Variants in UIMC1 observed in about 807,000 individuals in gnomAD.
The protein encoded by UIMC1 is ubiquitin interaction motif containing 1, also known as BRCA1-A complex subunit RAP80.
In UIMC1, 42 loss-of-function variants were observed where a neutral mutation model predicts 84.9. That is an observed-to-expected ratio of 0.49 (90% CI 0.39 to 0.64). The LOEUF (loss-of-function observed/expected upper bound fraction) is 0.64, where lower values mean the gene tolerates loss of function less well. UIMC1 is among the 30% of genes least tolerant of loss of function. The probability of loss-of-function intolerance (pLI) is 0.00; values close to 1 mark genes in which losing one functional copy is unlikely to be tolerated. For missense variants in UIMC1, 825 were observed against 847.6 expected (o/e 0.97, Z 0.33); for synonymous variants, 281 against 293.0 (o/e 0.96, Z 0.42).
intron 1 of UIMC1, among the ~76,000 whole-genome samples, chr5:176,991,547 C>T (rs994117324): frequency 6.7e-6 from 1 of 150,002 alleles, no homozygotes; most frequent in African/African-American, 2.5e-5. Flanking sequence ...GGAGAAATCC[C>T]ATCTCTACTA....
chr5:177,003,315 T>A (rs572016680), intron 1 of UIMC1, among the ~76,000 whole-genome samples: 1 of 152,190 alleles, frequency 6.6e-6, no homozygotes, highest in South Asian at 2.1e-4. Context: ...GAGTAGTAAT[T>A]GTAATATAAA....
At chr5:176,937,093 C>A (rs1472480338) in intron 10 of UIMC1, among the ~76,000 whole-genome samples, 2 of 152,160 alleles carry the variant, frequency 1.3e-5, no homozygotes, top group African/African-American at 4.8e-5. Context: ...AGGTGTCTAA[C>A]ACAATTGGCC....
chr5:176,917,093 G>A (rs1761071023), intron 10 of UIMC1, among the ~76,000 whole-genome samples: 1 of 152,130 alleles, frequency 6.6e-6, no homozygotes, highest in Non-Finnish European at 1.5e-5. Context: ...AGAAAATAAT[G>A]GGAAGCCACA....
At chr5:176,953,495 T>TACACACACAC (rs137955830) in intron 8 of UIMC1, among the ~76,000 whole-genome samples, 6,426 of 136,878 alleles carry the variant, frequency 0.047, 261 homozygotes, top group African/African-American at 0.1. Context: ...ACTGGACACA[T>TACACACACAC]ACACACACAC....
intron 10 of UIMC1, among the ~76,000 whole-genome samples, chr5:176,936,594 C>T (rs575142869): frequency 1.3e-5 from 2 of 152,164 alleles, no homozygotes; most frequent in Non-Finnish European, 2.9e-5. Flanking sequence ...TGTGCTCTGT[C>T]CATCTGCACT....
At chr5:176,968,054 T>A (rs1341665452) in intron 6 of UIMC1, among the ~76,000 whole-genome samples, 2 of 152,144 alleles carry the variant, frequency 1.3e-5, no homozygotes, top group Non-Finnish European at 1.5e-5. Context: ...GTTCAAAAAA[T>A]TTTTTCATGT....
At position 177,022,513 on chromosome 5, in the gene UIMC1, A is replaced by AG. The variant is rs36057636; in HGVS notation, c.-59dup. On this transcript the variant is annotated 5_prime_UTR_variant, in exon 1 of 6. Coordinates refer to the UIMC1 transcript ENST00000509236. The stretch of plus-strand genomic sequence containing the variant: ...CCAAAACCACACGAGCCTCTCCGGG[A>AG]GGGGGGGGTCACTGCTGCGGAATCA... 265 of 498,486 alleles carry AG rather than the reference A, an allele frequency of 5.3e-4. 2 individuals carry two copies. The highest frequency in any genetic ancestry group is 2.2e-3 in the Middle Eastern group (4 of 1,838). 30.9% of individuals were successfully genotyped at this position (498,486 alleles called of 1,614,324 possible). A position where few individuals can be genotyped will look rare whatever the true frequency, so the allele number is the denominator to read the frequency against.
At chr5:176,927,251 T>C (rs1489178906) in intron 10 of UIMC1, among the ~76,000 whole-genome samples, 3 of 144,090 alleles carry the variant, frequency 2.1e-5, no homozygotes, top group Non-Finnish European at 3.0e-5. Context: ...CACAGACCCA[T>C]GAATTTCTTT....
rs1341765845 is a variant in UIMC1 at position 176,905,249 on chromosome 5, T to C, written c.*33A>G. 1 of 1,608,738 alleles carries C rather than the reference T, an allele frequency of 6.2e-7. No homozygotes were observed. Among genetic ancestry groups the C allele is most frequent in the African/African-American group, 1.3e-5 (1 of 74,726 alleles). ...AATGAACATGGCCCACCCCTCCTAC[T>C]AATGGTTTTGTCAACTTTTGGACCC... On this transcript the variant is annotated 3_prime_UTR_variant, in exon 15 of 15. Coordinates refer to ENST00000511320, the MANE Select transcript of UIMC1 (RefSeq NM_001199298.2).
chr5:176,934,589 C>T (rs113329524), intron 10 of UIMC1, among the ~76,000 whole-genome samples: 5,000 of 152,302 alleles, frequency 0.033, 295 homozygotes, highest in African/African-American at 0.11. Context: ...AGAAATCCCA[C>T]GTGTTAAACC....
At chr5:176,986,658 T>G (rs577839551) in intron 1 of UIMC1, among the ~76,000 whole-genome samples, 1 of 149,952 alleles carries the variant, frequency 6.7e-6, no homozygotes, top group East Asian at 2.0e-4. Flanking sequence ...CTCATCAACA[T>G]AGCAAGACCC....
chr5:176,927,213 A>C (rs1160812070), intron 10 of UIMC1, among the ~76,000 whole-genome samples: 1 of 134,798 alleles, frequency 7.4e-6, no homozygotes, highest in African/African-American at 2.9e-5. Context: ...AAAGAAAAAA[A>C]AAAAAAAAAA....
intron 6 of UIMC1, among the ~76,000 whole-genome samples, chr5:176,959,752 C>T: frequency 6.6e-6 from 1 of 151,080 alleles, no homozygotes; most frequent in Admixed American, 6.6e-5. Context: ...TGTGCTTTGG[C>T]CAGGCGCGGT....
At chr5:176,939,664 A>T (rs1764183637) in intron 10 of UIMC1, among the ~76,000 whole-genome samples, 1 of 151,984 alleles carries the variant, frequency 6.6e-6, no homozygotes, top group Non-Finnish European at 1.5e-5. Flanking sequence ...AAGTATACTC[A>T]CTCTATGATG....
chr5:176,906,977 A>G, intron 13 of UIMC1, 137 bp downstream of exon 13: 3 of 774,066 alleles, frequency 3.9e-6, no homozygotes, highest in Non-Finnish European at 6.3e-6. Context: ...GATGACCTAG[A>G]TTGAGTCTCA....
intron 3 of UIMC1, among the ~76,000 whole-genome samples, chr5:176,972,400 CAA>C (rs1205115435): frequency 6.6e-5 from 7 of 106,850 alleles, no homozygotes; most frequent in Admixed American, 1.0e-4. Context: ...GACTCCGTCT[CAA>C]AAAAAAAAAA....
intron 10 of UIMC1, among the ~76,000 whole-genome samples, chr5:176,930,594 G>C (rs559666263): frequency 5.1e-4 from 78 of 152,342 alleles, no homozygotes; most frequent in African/African-American, 1.8e-3. Flanking sequence ...AGCTAATGTT[G>C]CTTAATGTTA....
Position 176,947,930 on chromosome 5 carries a change from A to T in UIMC1, c.1443+3544T>A, listed in dbSNP as rs1765345299. 3.3e-5 allele frequency among the ~76,000 whole-genome samples: 5 copies of T among 151,898 alleles called. No homozygotes were observed. The South Asian group carries it at 6.2e-4, about 19-fold the overall frequency. ...CTTCAGACTTCAAAAAAAAAAAAATACACCTCACTTCAAGAGAAATGAACC... is the reference window on the plus strand; with the variant it reads ...CTTCAGACTTCAAAAAAAAAAAAATTCACCTCACTTCAAGAGAAATGAACC... On this transcript the variant is annotated intron_variant, in intron 9 of 14. Transcript: ENST00000511320.
chr5:176,961,960 C>T (rs1380494705), intron 6 of UIMC1, among the ~76,000 whole-genome samples: 2 of 69,032 alleles, frequency 2.9e-5, no homozygotes, highest in Non-Finnish European at 6.0e-5. Flanking sequence ...CGGCCCCCCG[C>T]CCGGCCAGCC....
Sources: gnomAD v4.1 joint callset for allele counts (sites outside exome capture counted in the v4.1 genomes callset) on GRCh38, gnomAD v4.1.1 for gene constraint, MANE v1.5 for transcripts, NCBI Gene and HGNC (gene_info 2026-07-23, HGNC 2026-07-21) for gene names.